CCDC192: variants seen among roughly 807,000 people sequenced by gnomAD.
The protein encoded by CCDC192 is coiled-coil domain containing 192, also known as coiled-coil domain-containing protein 192.
rs536003269 is a variant in CCDC192 at position 127,805,524 on chromosome 5, G to T, written c.411+7362G>T. Among the ~76,000 whole-genome samples the T allele has an allele frequency of 8.5e-5, 13 of 152,214 alleles. No individual in the cohort carries two copies. The East Asian group carries it at 2.5e-3, about 29-fold the overall frequency. ...TAACTTTATTTTAAAATATCATATG[G>T]CAGACTCAGACCACATGGCAGAGTT... On this transcript the variant is annotated intron_variant, in intron 5 of 6. Coordinates refer to ENST00000514853, the MANE Select transcript of CCDC192 (RefSeq NM_001317938.2).
intron 2 of CCDC192, among the ~76,000 whole-genome samples, chr5:127,750,055 A>G (rs1403258562): frequency 6.6e-6 from 1 of 151,952 alleles, no homozygotes; most frequent in East Asian, 1.9e-4. Context: ...TGATCCTTTC[A>G]AAAAACCAGC....
At chr5:127,899,921 C>A in intron 6 of CCDC192, among the ~76,000 whole-genome samples, 1 of 152,184 alleles carries the variant, frequency 6.6e-6, no homozygotes, top group Middle Eastern at 3.2e-3. Context: ...AGTTTGTTTC[C>A]CCTGACGCTT....
At chr5:127,922,388 C>T (rs1408921642) in intron 6 of CCDC192, among the ~76,000 whole-genome samples, 2 of 152,138 alleles carry the variant, frequency 1.3e-5, no homozygotes, top group East Asian at 3.8e-4. Flanking sequence ...ACTCGTCTTC[C>T]TGATTTCCTT....
At position 127,783,058 on chromosome 5, in the gene CCDC192, C is replaced by T. The variant is rs527534412; in HGVS notation, c.223-14045C>T. 4.6e-5 allele frequency among the ~76,000 whole-genome samples: 7 copies of T among 151,030 alleles called. No individual in the cohort carries two copies. In the South Asian group the frequency reaches 8.4e-4, roughly 18 times the overall value. On this transcript the variant is annotated intron_variant, in intron 3 of 6. Coordinates refer to ENST00000514853, the MANE Select transcript of CCDC192 (RefSeq NM_001317938.2). ...TCACCCAGGCTGGAGTTCAGTGGCA[C>T]GATCTTGGCTCACTGCAACCTCTGC...
intron 6 of CCDC192, among the ~76,000 whole-genome samples, chr5:127,927,210 G>T (rs1212046566): frequency 2.0e-5 from 3 of 152,132 alleles, no homozygotes; most frequent in Non-Finnish European, 1.5e-5. Flanking sequence ...GGTGAGTATA[G>T]TACAATAAGA....
chr5:127,840,669 A>G (rs1198701223), intron 5 of CCDC192, among the ~76,000 whole-genome samples: 3 of 152,190 alleles, frequency 2.0e-5, no homozygotes, highest in Admixed American at 2.0e-4. Context: ...GACTCCAGGA[A>G]GTTAAGCACT....
intron 5 of CCDC192, among the ~76,000 whole-genome samples, chr5:127,850,805 A>C (rs1338481843): frequency 6.6e-6 from 1 of 152,166 alleles, no homozygotes; most frequent in Admixed American, 6.5e-5. Context: ...ATATCTACTA[A>C]AAATACAAAA....
chr5:127,755,838 G>A (rs866897119), intron 3 of CCDC192, among the ~76,000 whole-genome samples: 2 of 150,764 alleles, frequency 1.3e-5, no homozygotes, highest in East Asian at 1.9e-4. Flanking sequence ...ATGATTTCTC[G>A]TTTGAATCAG....
intron 2 of CCDC192, among the ~76,000 whole-genome samples, chr5:127,730,169 A>C (rs374719303): frequency 6.6e-6 from 1 of 152,278 alleles, no homozygotes; most frequent in African/African-American, 2.4e-5. Flanking sequence ...AATAGACACA[A>C]TATAAAATGA....
chr5:127,830,856 A>C (rs1467559784), intron 5 of CCDC192, among the ~76,000 whole-genome samples: 1 of 152,214 alleles, frequency 6.6e-6, no homozygotes, highest in East Asian at 1.9e-4. Context: ...CTTCTTTATG[A>C]AAAAGTAAAA....
At chr5:127,775,376 A>G (rs1430298658) in intron 3 of CCDC192, among the ~76,000 whole-genome samples, 1 of 152,166 alleles carries the variant, frequency 6.6e-6, no homozygotes, top group Non-Finnish European at 1.5e-5. Flanking sequence ...AGCCAATCCA[A>G]TGCTTGCCTA....
rs192105129 is a variant in CCDC192, at chr5:127,724,579, A to G, written c.114+16819A>G. 1.9e-3 allele frequency among the ~76,000 whole-genome samples: 297 copies of G among 152,334 alleles called. 1 individual carries two copies. Among genetic ancestry groups the G allele is most frequent in the Non-Finnish European group, 3.6e-3 (244 of 68,020 alleles). On this transcript the variant is annotated intron_variant, in intron 2 of 6. Transcript: ENST00000514853. Reference sequence around the variant, plus strand: ...TAAAAAAAAAGTCTAGGCCGGGCACAGTGGCTCATGCCTGTAATCCCAGCA... The same window carrying G: ...TAAAAAAAAAGTCTAGGCCGGGCACGGTGGCTCATGCCTGTAATCCCAGCA...
At chr5:127,925,121 T>A (rs1753828434) in intron 6 of CCDC192, among the ~76,000 whole-genome samples, 1 of 128,392 alleles carries the variant, frequency 7.8e-6, no homozygotes, top group African/African-American at 3.8e-5. Flanking sequence ...TAAAGTGCCT[T>A]GGATTTGAGT....
intron 5 of CCDC192, among the ~76,000 whole-genome samples, chr5:127,858,809 C>T (rs1182092914): frequency 6.6e-6 from 1 of 152,086 alleles, no homozygotes; most frequent in East Asian, 1.9e-4. Context: ...AAATCAAGTA[C>T]ACAATTTGCA....
At chr5:127,822,532 AAAAG>A (rs1192291014) in intron 5 of CCDC192, among the ~76,000 whole-genome samples, 1 of 152,204 alleles carries the variant, frequency 6.6e-6, no homozygotes, top group African/African-American at 2.4e-5. Context: ...GCTAAAAAGA[AAAAG>A]AAAAACAGAC....
At chr5:127,820,402 A>G (rs897937103) in intron 5 of CCDC192, among the ~76,000 whole-genome samples, 2 of 152,168 alleles carry the variant, frequency 1.3e-5, no homozygotes, top group South Asian at 4.1e-4. Flanking sequence ...ACCAACATGG[A>G]GAAACCTCGC....
chr5:127,811,218 C>A (rs1758065115), intron 5 of CCDC192, among the ~76,000 whole-genome samples: 1 of 152,120 alleles, frequency 6.6e-6, no homozygotes. Context: ...ACTTCCTTTT[C>A]TTTTTCAAAG....
chr5:127,725,933 GT>G lies in CCDC192; in HGVS notation c.114+18174del, dbSNP rs57712055. Among the ~76,000 whole-genome samples, 1,034 of 151,998 alleles carry G rather than the reference GT, an allele frequency of 6.8e-3. 8 individuals are homozygous for G. The highest frequency in any genetic ancestry group is 0.023 in the African/African-American group (972 of 41,466). ...AAAGATTATTATTAATTTCACTATT[GT>G]ATTTGTCTTTCTAGTAGGTTCCATT... On this transcript the variant is annotated intron_variant, in intron 2 of 6. Coordinates refer to ENST00000514853, the MANE Select transcript of CCDC192 (RefSeq NM_001317938.2).
chr5:127,785,413 C>A, intron 3 of CCDC192: 2 of 373,406 alleles, frequency 5.4e-6, no homozygotes, highest in East Asian at 6.5e-5. Flanking sequence ...ACACCAGTGT[C>A]TTGAAACATC....
Sources: gnomAD v4.1 joint callset for allele counts (sites outside exome capture counted in the v4.1 genomes callset) on GRCh38, gnomAD v4.1.1 for gene constraint, MANE v1.5 for transcripts, NCBI Gene and HGNC (gene_info 2026-07-23, HGNC 2026-07-21) for gene names.